The following THRA variants were observed in gnomAD, a reference collection of about 807,000 sequenced individuals.
THRA encodes thyroid hormone receptor alpha.
THRA carries 13 observed loss-of-function variants against 45.0 expected under a neutral mutation model. The observed-to-expected ratio is 0.29, with a 90% CI of 0.19 to 0.46. The LOEUF (loss-of-function observed/expected upper bound fraction) is 0.46, where lower values mean the gene tolerates loss of function less well. Among genes scored for constraint, THRA ranks in the 20% least tolerant of loss-of-function variants. THRA has a pLI of 1.00. For synonymous variants in THRA, 195 were observed against 214.0 expected, an observed-to-expected ratio of 0.91 and a Z score of 0.78; for missense variants, 278 against 556.1, an observed-to-expected ratio of 0.50 and a Z score of 5.03.
At chr17:40,067,858 C>T (rs1261420935) in intron 1 of THRA, among the ~76,000 whole-genome samples, 1 of 152,152 alleles carries the variant, frequency 6.6e-6, no homozygotes, top group Non-Finnish European at 1.5e-5. Flanking sequence ...TCTCTAAAAA[C>T]AACTTTAAAA....
chr17:40,084,690 A>G lies in THRA; in HGVS notation c.451A>G (p.Ile151Val), dbSNP rs970526642. ...GGAGCGGCGGCGGAAGGAGGAGATG[A>G]TCCGATCACTGCAGCAGCGACCAGA... The part of the protein sequence containing the change: ...NRERRRKEEM[I>V]RSLQQRPEPT... Residue 151 changes from isoleucine to valine, a missense_variant, in exon 6 of 9, where the codon ATC becomes GTC. By Grantham distance (29) the Ile-to-Val change is conservative (BLOSUM62 3). Around this residue, in one of 6 missense-constraint regions of THRA, gnomAD observed 111 missense variants for 167.1 expected, o/e 0.66. Transcript: ENST00000450525. 1.9e-6 allele frequency: 3 copies of G among 1,614,028 alleles called. No homozygotes were observed. The highest frequency in any genetic ancestry group is 2.5e-6 in the Non-Finnish European group (3 of 1,179,994).
chr17:40,073,784 A>G (rs1986858970), intron 1 of THRA, among the ~76,000 whole-genome samples: 1 of 152,084 alleles, frequency 6.6e-6, no homozygotes, highest in South Asian at 2.1e-4. Context: ...CTCCCTGCCT[A>G]TGCTGAAAAC....
Position 40,089,089 on chromosome 17 carries a change from A to C in THRA, c.983-117A>C. The C allele has an allele frequency of 1.4e-6, 1 of 736,792 alleles. No homozygotes were observed. The highest frequency in any genetic ancestry group is 1.9e-6 in the Non-Finnish European group (1 of 513,316). The allele number at this position is 736,792 out of a possible 1,614,324, so 45.6% of individuals were successfully genotyped here. A position where few individuals can be genotyped will look rare whatever the true frequency, so the allele number is the denominator to read the frequency against. On this transcript the variant is annotated intron_variant, in intron 8 of 8. Coordinates refer to ENST00000450525, the MANE Select transcript of THRA (RefSeq NM_199334.5). This position sits in a 1 kb window ranked among gnomAD's most constrained non-coding sequence, Gnocchi z 6.1. ...GGGAGCTTCTCCCCTCCCCTCCCCC[A>C]GCCTCTCTGCCTCTATCTCCCCTCT...
intron 7 of THRA, among the ~76,000 whole-genome samples, chr17:40,087,750 C>CA (rs1421705563): frequency 2.0e-5 from 3 of 152,172 alleles, no homozygotes; most frequent in Non-Finnish European, 4.4e-5. Flanking sequence ...GGTGCTAACT[C>CA]ACAGGCATAA....
chr17:40,093,226 G>C, downstream of THRA: 1 of 1,613,704 alleles, frequency 6.2e-7, no homozygotes, highest in Non-Finnish European at 8.5e-7. This position sits in a 1 kb window ranked among gnomAD's most constrained non-coding sequence, Gnocchi z 5.9. Flanking sequence ...CGAAGAGCCC[G>C]CAGCAGCGTC....
At chr17:40,075,020 A>T (rs1598391458) in intron 2 of THRA, among the ~76,000 whole-genome samples, 1 of 152,234 alleles carries the variant, frequency 6.6e-6, no homozygotes, top group East Asian at 1.9e-4. Flanking sequence ...TTCGGAATCT[A>T]TTGGGAGCCC....
At position 40,087,416 on chromosome 17, in the gene THRA, A is replaced by G. The variant is rs573343985; in HGVS notation, c.723+563A>G. Among the ~76,000 whole-genome samples the G allele has an allele frequency of 1.0e-4, 15 of 147,964 alleles. No individual in the cohort carries two copies. The South Asian group carries it at 1.3e-3, about 13-fold the overall frequency. ...ACACAGACACACCCAGCACACAGGC[A>G]CACACACACACACACACCTAGCAGA... is the stretch of plus-strand genomic sequence containing the variant. On this transcript the variant is annotated intron_variant, in intron 7 of 8. Coordinates refer to ENST00000450525, the MANE Select transcript of THRA (RefSeq NM_199334.5).
Position 40,092,228 on chromosome 17 carries a change from C to T in THRA, c.*2772C>T, listed in dbSNP as rs1987591640. The stretch of plus-strand genomic sequence containing the variant: ...GAGCCCCTACCCCTTCTCCTGGTGG[C>T]GGGTCTGCAGGGCTGGGAGAGGGCA... On this transcript the variant is annotated 3_prime_UTR_variant, in exon 9 of 9. Transcript: ENST00000450525. 2.0e-5 allele frequency: 3 copies of T among 148,182 alleles called. No individual in the cohort carries two copies. The highest frequency in any genetic ancestry group is 2.3e-4 in the South Asian group (1 of 4,328). 9.2% of individuals were successfully genotyped at this position (148,182 alleles called of 1,614,324 possible).
chr17:40,080,796 C>T (rs1461710418), intron 4 of THRA, among the ~76,000 whole-genome samples: 5 of 149,504 alleles, frequency 3.3e-5, no homozygotes, highest in African/African-American at 9.9e-5. Flanking sequence ...GATCTTGGCT[C>T]ACTGCAACCT....
chr17:40,092,914 A>G lies in THRA; in HGVS notation c.*3458A>G. On this transcript the variant is annotated 3_prime_UTR_variant, in exon 9 of 9. Coordinates refer to ENST00000450525, the MANE Select transcript of THRA (RefSeq NM_199334.5). ...GGGGAAGTTCGGTGATGGGGGAGGG[A>G]GGCAGGTATTTACAAGAAGGCTCAG... 1 of 1,459,910 alleles carries G rather than the reference A, an allele frequency of 6.8e-7. No homozygotes were observed. Among genetic ancestry groups the G allele is most frequent in the Non-Finnish European group, 9.1e-7 (1 of 1,093,682 alleles). 90.4% of individuals were successfully genotyped at this position (1,459,910 alleles called of 1,614,324 possible).
chr17:40,068,375 C>T (rs1986647152), intron 1 of THRA, among the ~76,000 whole-genome samples: 1 of 152,228 alleles, frequency 6.6e-6, no homozygotes, highest in Non-Finnish European at 1.5e-5. Context: ...TGGCACATGC[C>T]AGGGTGGGGC....
At chr17:40,077,693 A>G in intron 4 of THRA, 85 bp downstream of exon 4, 1 of 1,117,726 alleles carries the variant, frequency 8.9e-7, no homozygotes, top group Non-Finnish European at 1.3e-6. Flanking sequence ...CTGTTAGGTC[A>G]TCACTTTTTT....
intron 6 of THRA, among the ~76,000 whole-genome samples, chr17:40,085,291 G>A (rs1186273531): frequency 6.6e-6 from 1 of 152,006 alleles, no homozygotes; most frequent in Non-Finnish European, 1.5e-5. Context: ...GAGCCCAGGA[G>A]TTTGAGACCA....
intron 1 of THRA, among the ~76,000 whole-genome samples, chr17:40,065,685 G>C (rs1025175642): frequency 2.6e-5 from 4 of 152,050 alleles, no homozygotes; most frequent in African/African-American, 7.2e-5. Context: ...GTGGGGGGCG[G>C]GGGGCTCAGC....
At chr17:40,077,688 A>T in intron 4 of THRA, 80 bp downstream of exon 4, 1 of 1,138,732 alleles carries the variant, frequency 8.8e-7, no homozygotes, top group Non-Finnish European at 1.3e-6. Context: ...CCCGCCTGTT[A>T]GGTCATCACT....
At chr17:40,082,581 T>C (rs920553395) in intron 4 of THRA, among the ~76,000 whole-genome samples, 2 of 151,574 alleles carry the variant, frequency 1.3e-5, no homozygotes, top group South Asian at 2.1e-4. Context: ...AGGCTGGTCT[T>C]GAACTCCTGA....
At chr17:40,087,090 A>G (rs1567655035) in intron 7 of THRA, 1 of 541,302 alleles carries the variant, frequency 1.8e-6, no homozygotes, top group Non-Finnish European at 3.3e-6. Flanking sequence ...ACAGATACGT[A>G]CACAGACACA....
chr17:40,089,705 C>A lies in THRA; in HGVS notation c.*249C>A. The A allele has an allele frequency of 7.3e-7, 1 of 1,362,912 alleles. No individual in the cohort carries two copies. The highest frequency in any genetic ancestry group is 9.5e-7 in the Non-Finnish European group (1 of 1,053,868). 84.4% of individuals were successfully genotyped at this position (1,362,912 alleles called of 1,614,324 possible). A position where few individuals can be genotyped will look rare whatever the true frequency, so the allele number is the denominator to read the frequency against. On this transcript the variant is annotated 3_prime_UTR_variant, in exon 9 of 9. Coordinates refer to ENST00000450525, the MANE Select transcript of THRA (RefSeq NM_199334.5). This position sits in a 1 kb window ranked among gnomAD's most constrained non-coding sequence, Gnocchi z 6.1. ...GGGAGGCTGGGGGAGCTGTGTCCTGCAGTTCCCAGGACCCCATCCTCTCAG... is the reference window on the plus strand; with the variant it reads ...GGGAGGCTGGGGGAGCTGTGTCCTGAAGTTCCCAGGACCCCATCCTCTCAG...
intron 4 of THRA, among the ~76,000 whole-genome samples, chr17:40,082,973 C>A (rs1277095675): frequency 7.1e-6 from 1 of 140,238 alleles, no homozygotes; most frequent in Admixed American, 7.2e-5. Flanking sequence ...TGTCACCCAG[C>A]CTGGAGTGCA....
Sources: gnomAD v4.1 joint callset for allele counts (sites outside exome capture counted in the v4.1 genomes callset) on GRCh38, gnomAD v4.1.1 for gene constraint, gnomAD v4.1.1 regional missense constraint, Gnocchi (gnomAD v3.1) non-coding constraint, MANE v1.5 for transcripts, NCBI Gene and HGNC (gene_info 2026-07-23, HGNC 2026-07-21) for gene names.